Variants in FNDC3B observed in about 807,000 individuals in gnomAD.
FNDC3B encodes fibronectin type III domain-containing protein 3B.
In FNDC3B, 12 loss-of-function variants were observed where a neutral mutation model predicts 151.5. That is an observed-to-expected ratio of 0.08 (90% CI 0.05 to 0.13). The LOEUF is 0.13. Ranked by LOEUF, FNDC3B falls within the 10% of genes least tolerant of loss-of-function variation. FNDC3B has a pLI of 1.00. For missense variants in FNDC3B, 1,214 were observed against 1,505.3 expected, an observed-to-expected ratio of 0.81 and a Z score of 3.20; for synonymous variants, 528 against 549.0, an observed-to-expected ratio of 0.96 and a Z score of 0.54.
At chr3:172,280,069 C>G (rs113931800) in intron 6 of FNDC3B, among the ~76,000 whole-genome samples, 5,495 of 152,194 alleles carry the variant, frequency 0.036, 344 homozygotes, top group African/African-American at 0.13. Flanking sequence ...CATGTGCCAC[C>G]AAGCCCAGCT....
intron 23 of FNDC3B, among the ~76,000 whole-genome samples, chr3:172,364,467 C>G (rs1734513198): frequency 6.6e-6 from 1 of 152,202 alleles, no homozygotes; most frequent in African/African-American, 2.4e-5. Context: ...CCTCCCAATT[C>G]CCCGTGCCCT....
intron 23 of FNDC3B, 50 bp downstream of exon 23, chr3:172,362,895 G>A: frequency 7.1e-7 from 1 of 1,404,278 alleles, no homozygotes; most frequent in Non-Finnish European, 9.9e-7. Context: ...TTTGGCTTGT[G>A]GGATGAAATC....
intron 11 of FNDC3B, among the ~76,000 whole-genome samples, chr3:172,323,129 T>C (rs1560077682): frequency 2.0e-5 from 3 of 152,164 alleles, no homozygotes; most frequent in Non-Finnish European, 4.4e-5. Flanking sequence ...TTGAAAAATA[T>C]TCAAGTAGGT....
In FNDC3B at chr3:172,226,864, G is replaced by T; in HGVS notation, c.188-7G>T. 2 of 1,595,626 alleles carry T rather than the reference G, an allele frequency of 1.3e-6. No homozygotes were observed. The highest frequency in any genetic ancestry group is 1.7e-6 in the Non-Finnish European group (2 of 1,163,200). Reference sequence around the variant, plus strand: ...TCAGCTATTAACATCTGACTCGTCTGTTTTAGGACCTGCTGAAGTTCCCAT... The same window carrying T: ...TCAGCTATTAACATCTGACTCGTCTTTTTTAGGACCTGCTGAAGTTCCCAT... On this transcript the variant is annotated splice_region_variant and splice_polypyrimidine_tract_variant and intron_variant, in intron 3 of 25. Coordinates refer to ENST00000415807, the MANE Select transcript of FNDC3B (RefSeq NM_022763.4).
At chr3:172,309,501 A>G (rs866643062) in intron 10 of FNDC3B, among the ~76,000 whole-genome samples, 15 of 152,088 alleles carry the variant, frequency 9.9e-5, no homozygotes, top group African/African-American at 3.4e-4. Flanking sequence ...TGATTTTGTC[A>G]GTTGTTTATA....
At position 172,040,568 on chromosome 3, in the gene FNDC3B, G is replaced by T; in HGVS notation, c.-29+797G>T. The T allele has an allele frequency of 6.6e-6, 1 of 152,154 alleles. No individual in the cohort carries two copies. The highest frequency in any genetic ancestry group is 2.0e-4 in the South Asian group (1 of 4,894). The allele number at this position is 152,154 out of a possible 1,614,324, so 9.4% of individuals were successfully genotyped here. A position where few individuals can be genotyped will look rare whatever the true frequency, so the allele number is the denominator to read the frequency against. On this transcript the variant is annotated intron_variant, in intron 1 of 25. Transcript: ENST00000415807. The surrounding 1 kb of genome is among the most constrained non-coding windows in gnomAD (Gnocchi z 6.6). ...CCGGCGGCTGGAAGCTCGGGCGGGGGAGCGGGGCGCGGCGGGAAGGAGCGG... is the reference window on the plus strand; with the variant it reads ...CCGGCGGCTGGAAGCTCGGGCGGGGTAGCGGGGCGCGGCGGGAAGGAGCGG...
intron 23 of FNDC3B, among the ~76,000 whole-genome samples, chr3:172,376,849 TAAAAA>T (rs752232518): frequency 4.2e-5 from 5 of 117,802 alleles, no homozygotes; most frequent in South Asian, 2.7e-4. Context: ...CAGGCTTTGT[TAAAAA>T]AAAAAAAAAA....
At chr3:172,372,547 C>A (rs988139073) in intron 23 of FNDC3B, among the ~76,000 whole-genome samples, 5 of 152,158 alleles carry the variant, frequency 3.3e-5, no homozygotes, top group African/African-American at 9.7e-5. Flanking sequence ...TATTTGTATT[C>A]CTTGGCCACC....
At chr3:172,384,165 C>G (rs1576966288) in intron 25 of FNDC3B, among the ~76,000 whole-genome samples, 1 of 152,192 alleles carries the variant, frequency 6.6e-6, no homozygotes, top group East Asian at 1.9e-4. Context: ...TTTTGCTGTA[C>G]TTTGTTAATA....
intron 3 of FNDC3B, among the ~76,000 whole-genome samples, chr3:172,167,648 T>C (rs1723071829): frequency 6.6e-6 from 1 of 152,152 alleles, no homozygotes; most frequent in African/African-American, 2.4e-5. Context: ...CCCTGGGCCA[T>C]GGATGGTACC....
At chr3:172,105,381 G>A (rs1719591246) in intron 1 of FNDC3B, among the ~76,000 whole-genome samples, 1 of 151,968 alleles carries the variant, frequency 6.6e-6, no homozygotes, top group Non-Finnish European at 1.5e-5. Flanking sequence ...TATATTGGAA[G>A]CCATTTAGAA....
intron 3 of FNDC3B, among the ~76,000 whole-genome samples, chr3:172,171,872 A>G (rs1156255621): frequency 6.6e-6 from 1 of 152,120 alleles, no homozygotes; most frequent in Non-Finnish European, 1.5e-5. Context: ...TCTGCCCTGT[A>G]CTTTAGCACC....
chr3:172,190,604 G>T (rs1724454986), intron 3 of FNDC3B, among the ~76,000 whole-genome samples: 1 of 152,102 alleles, frequency 6.6e-6, no homozygotes, highest in Non-Finnish European at 1.5e-5. Context: ...TCTAGGGAGG[G>T]GTTTATGATT....
At chr3:172,361,008 G>T (rs902157316) in intron 22 of FNDC3B, among the ~76,000 whole-genome samples, 1 of 152,166 alleles carries the variant, frequency 6.6e-6, no homozygotes, top group East Asian at 1.9e-4. Context: ...CAAAACCTTT[G>T]GTTCTGTAGG....
chr3:172,241,342 G>T (rs915945361), intron 4 of FNDC3B, among the ~76,000 whole-genome samples: 1 of 152,140 alleles, frequency 6.6e-6, no homozygotes, highest in Non-Finnish European at 1.5e-5. Flanking sequence ...CAAGATCAAG[G>T]TGTCAGCAGG....
intron 1 of FNDC3B, among the ~76,000 whole-genome samples, chr3:172,048,858 CAA>C (rs1339105314): frequency 1.3e-5 from 2 of 152,078 alleles, no homozygotes; most frequent in African/African-American, 4.8e-5. Context: ...AAGCCGGACA[CAA>C]GAAGATAAAT....
At chr3:172,327,101 A>G (rs1026235937) in intron 11 of FNDC3B, among the ~76,000 whole-genome samples, 1 of 152,160 alleles carries the variant, frequency 6.6e-6, no homozygotes, top group Non-Finnish European at 1.5e-5. Context: ...ATTTGAATAA[A>G]TCATCTTCCT....
chr3:172,118,686 TG>T (rs1720382634), intron 2 of FNDC3B, among the ~76,000 whole-genome samples: 1 of 152,206 alleles, frequency 6.6e-6, no homozygotes, highest in Non-Finnish European at 1.5e-5. Flanking sequence ...AAACCAAGTA[TG>T]GGGAAGCTCG....
intron 3 of FNDC3B, among the ~76,000 whole-genome samples, chr3:172,208,701 T>A (rs1057187114): frequency 1.6e-5 from 2 of 127,096 alleles, no homozygotes. Flanking sequence ...TGCTCGTGCC[T>A]TCTGGGCTTC....
Sources: allele counts gnomAD v4.1 joint callset (sites outside exome capture counted in the v4.1 genomes callset), GRCh38; gene constraint gnomAD v4.1.1; non-coding constraint Gnocchi (gnomAD v3.1); transcripts MANE v1.5; gene names NCBI Gene and HGNC (gene_info 2026-07-23, HGNC 2026-07-21).